The following ANXA4 variants were observed in gnomAD, a reference collection of about 807,000 sequenced individuals.
The protein encoded by ANXA4 is 35-beta calcimedin.
A neutral mutation model predicts 49.8 loss-of-function variants in ANXA4; 39 were observed. The ratio of observed to expected loss-of-function variants is 0.78; its 90% CI spans 0.61 to 1.02. The LOEUF is 1.02. ANXA4 is among the 50% of genes least tolerant of loss of function. ANXA4 has a pLI of 0.00. For missense variants in ANXA4, 360 were observed against 410.1 expected (o/e 0.88, Z 1.05); for synonymous variants, 134 against 152.5 (o/e 0.88, Z 0.89).
intron 1 of ANXA4, among the ~76,000 whole-genome samples, chr2:69,742,433 C>T (rs1559131386): frequency 6.6e-6 from 1 of 152,216 alleles, no homozygotes; most frequent in East Asian, 1.9e-4. Context: ...GCCGCTTACA[C>T]GGCTCAGGAC....
chr2:69,726,563 A>C (rs941580445), intron 3 of ANXA4, among the ~76,000 whole-genome samples: 1 of 152,212 alleles, frequency 6.6e-6, no homozygotes, highest in African/African-American at 2.4e-5. Context: ...AGAGAAACAC[A>C]CAGCTCAATG....
chr2:69,805,537 C>A (rs904280155), intron 4 of ANXA4, among the ~76,000 whole-genome samples: 1 of 150,258 alleles, frequency 6.7e-6, no homozygotes, highest in Non-Finnish European at 1.5e-5. Flanking sequence ...ATCCAGGAGG[C>A]GGAGTCTGCA....
chr2:69,768,752 G>T (rs367766067), intron 1 of ANXA4, among the ~76,000 whole-genome samples: 188 of 152,236 alleles, frequency 1.2e-3, no homozygotes, highest in African/African-American at 4.3e-3. Context: ...TGGACTGAGG[G>T]GAGGGAAATC....
intron 1 of ANXA4, among the ~76,000 whole-genome samples, chr2:69,761,682 A>G (rs985148457): frequency 2.0e-5 from 3 of 151,108 alleles, no homozygotes; most frequent in Non-Finnish European, 4.4e-5. Flanking sequence ...GCACTTTGGG[A>G]GTCTGAGGTG....
At chr2:69,687,372 G>C (rs1001031445) in intron 2 of ANXA4, among the ~76,000 whole-genome samples, 2 of 152,070 alleles carry the variant, frequency 1.3e-5, no homozygotes, top group Non-Finnish European at 2.9e-5. Context: ...GCTGGGAATA[G>C]TGGCACACAC....
intron 2 of ANXA4, among the ~76,000 whole-genome samples, chr2:69,666,376 C>G: frequency 6.6e-6 from 1 of 152,170 alleles, no homozygotes; most frequent in East Asian, 1.9e-4. Context: ...CTGGAACTTT[C>G]ATACAATGCT....
At chr2:69,715,327 C>T (rs1317527322) in intron 2 of ANXA4, among the ~76,000 whole-genome samples, 3 of 152,184 alleles carry the variant, frequency 2.0e-5, no homozygotes, top group East Asian at 1.9e-4. Context: ...CTCACCTCAG[C>T]CTCCCAAGTA....
chr2:69,697,978 C>CAAAAAA (rs34820959), intron 2 of ANXA4, among the ~76,000 whole-genome samples: 3 of 105,658 alleles, frequency 2.8e-5, no homozygotes, highest in Non-Finnish European at 5.9e-5. Context: ...GACCCCATCT[C>CAAAAAA]AAAAAAAAAA....
At chr2:69,814,791 TGTGAGA>T (rs770240652) in intron 8 of ANXA4, 13,613 of 70,176 alleles carry the variant, frequency 0.19, 522 homozygotes, top group Non-Finnish European at 0.2. Flanking sequence ...TGTGTGTGTG[TGTGAGA>T]GAAAGAGAGA....
chr2:69,725,823 T>C (rs1669949604), intron 3 of ANXA4, among the ~76,000 whole-genome samples: 1 of 152,242 alleles, frequency 6.6e-6, no homozygotes, highest in African/African-American at 2.4e-5. Flanking sequence ...CAATGGCATT[T>C]TAAGAGCCAC....
At chr2:69,691,758 G>A (rs1401900407) in intron 2 of ANXA4, among the ~76,000 whole-genome samples, 3 of 152,228 alleles carry the variant, frequency 2.0e-5, no homozygotes, top group Admixed American at 6.5e-5. Flanking sequence ...TAGCAGGACA[G>A]AAGTTAGCAG....
chr2:69,757,444 T>G (rs1158663287), intron 1 of ANXA4, among the ~76,000 whole-genome samples: 6 of 146,312 alleles, frequency 4.1e-5, no homozygotes, highest in Non-Finnish European at 9.0e-5. Flanking sequence ...TTTTTTGTTT[T>G]TTTTTTTTTT....
chr2:69,790,451 A>G (rs1373722643), intron 3 of ANXA4, among the ~76,000 whole-genome samples: 2 of 152,154 alleles, frequency 1.3e-5, no homozygotes, highest in Admixed American at 6.5e-5. Flanking sequence ...GCGAGAAGAG[A>G]TAAACTTCAC....
chr2:69,744,114 C>G (rs1226477056), intron 1 of ANXA4, among the ~76,000 whole-genome samples: 1 of 152,134 alleles, frequency 6.6e-6, no homozygotes, highest in Non-Finnish European at 1.5e-5. Context: ...GGTGGGGAAG[C>G]CTGGGCAACA....
chr2:69,770,622 A>C (rs1201082595), intron 1 of ANXA4, among the ~76,000 whole-genome samples: 1 of 152,082 alleles, frequency 6.6e-6, no homozygotes, highest in Non-Finnish European at 1.5e-5. Context: ...TACCGGGGTG[A>C]ATTCACCACA....
intron 3 of ANXA4, among the ~76,000 whole-genome samples, chr2:69,798,715 T>C (rs946308018): frequency 6.6e-6 from 1 of 152,220 alleles, no homozygotes; most frequent in African/African-American, 2.4e-5. Context: ...GTGTTTTTGA[T>C]AGTTATTTGA....
At chr2:69,710,281 G>A (rs1003450020) in intron 2 of ANXA4, among the ~76,000 whole-genome samples, 9 of 151,608 alleles carry the variant, frequency 5.9e-5, no homozygotes, top group South Asian at 4.2e-4. Flanking sequence ...CACCATGCCC[G>A]GCCCACTTCC....
At chr2:69,777,815 G>T (rs545609854) in intron 1 of ANXA4, among the ~76,000 whole-genome samples, 1 of 152,118 alleles carries the variant, frequency 6.6e-6, no homozygotes, top group Non-Finnish European at 1.5e-5. Flanking sequence ...CTTCCGGATC[G>T]CCCTGCCCAG....
At chr2:69,771,138 A>G (rs1392314560) in intron 1 of ANXA4, among the ~76,000 whole-genome samples, 1 of 151,166 alleles carries the variant, frequency 6.6e-6, no homozygotes, top group Non-Finnish European at 1.5e-5. Flanking sequence ...AAGGAAAAAT[A>G]TTATTTAGGC....
Sources: allele counts gnomAD v4.1 joint callset (sites outside exome capture counted in the v4.1 genomes callset), GRCh38; gene constraint gnomAD v4.1.1; transcripts MANE v1.5; gene names NCBI Gene and HGNC (gene_info 2026-07-23, HGNC 2026-07-21).